Variants in BOC observed in about 807,000 individuals in gnomAD.
BOC encodes brother of CDO.
A neutral mutation model predicts 112.0 loss-of-function variants in BOC; 76 were observed. That is an observed-to-expected ratio of 0.68 (90% CI 0.56 to 0.82). The LOEUF (loss-of-function observed/expected upper bound fraction) is 0.82, where lower values mean the gene tolerates loss of function less well. BOC is among the 40% of genes least tolerant of loss of function. The pLI is 0.00. For synonymous variants in BOC, 580 were observed against 599.8 expected (o/e 0.97, Z 0.48); for missense variants, 1,309 against 1,511.7 (o/e 0.87, Z 2.22).
chr3:113,286,272 T>G (rs1285490894), intron 19 of BOC, among the ~76,000 whole-genome samples: 2 of 152,150 alleles, frequency 1.3e-5, no homozygotes, highest in Non-Finnish European at 2.9e-5. Context: ...CCAGCATCAT[T>G]TAAACTGGAC....
Position 113,213,552 on chromosome 3 carries a change from G to C in BOC, c.-170+1536G>C, listed in dbSNP as rs545659697. ...TAAACCACAGTCTTGGGCTGCTTGT[G>C]GGGGCTAGGATGCCCATACATCTGG... is the stretch of plus-strand genomic sequence containing the variant. On this transcript the variant is annotated intron_variant, in intron 1 of 19. Transcript: ENST00000682979. Among the ~76,000 whole-genome samples, 22 of 152,266 alleles carry C rather than the reference G, an allele frequency of 1.4e-4. No individual in the cohort carries two copies. In the South Asian group the frequency reaches 4.4e-3, roughly 30 times the overall value.
At chr3:113,283,301 G>T (rs1397486528) in intron 15 of BOC, 110 bp from the exon 16 acceptor site, 1 of 1,107,988 alleles carries the variant, frequency 9.0e-7, no homozygotes, top group Non-Finnish European at 1.3e-6. Flanking sequence ...AATCTAGTGA[G>T]TCTGACCCCA....
chr3:113,284,829 A>C lies in BOC; in HGVS notation c.2937A>C (p.Gly979=). Reference sequence around the variant, plus strand: ...TGAGGCAGACCCATCTTGGCAATGGATATGACCCCCAAAGTCACCAGATCA... The same window carrying C: ...TGAGGCAGACCCATCTTGGCAATGGCTATGACCCCCAAAGTCACCAGATCA... ...SLLRQTHLGN[G]YDPQSHQITR... is the part of the protein sequence containing the mutation. Residue 979 remains glycine (G), a synonymous_variant, in exon 18 of 20, where the codon GGA becomes GGC. Transcript: ENST00000682979. 1 of 1,614,182 alleles carries C rather than the reference A, an allele frequency of 6.2e-7. No individual in the cohort carries two copies. Among genetic ancestry groups the C allele is most frequent in the South Asian group, 1.1e-5 (1 of 91,080 alleles).
At chr3:113,235,253 T>C (rs1446845256) in intron 2 of BOC, among the ~76,000 whole-genome samples, 1 of 152,164 alleles carries the variant, frequency 6.6e-6, no homozygotes, top group African/African-American at 2.4e-5. Flanking sequence ...GCCACTATAT[T>C]AGCGTTTTAG....
intron 2 of BOC, among the ~76,000 whole-genome samples, chr3:113,235,004 G>A (rs1943228558): frequency 6.6e-6 from 1 of 152,158 alleles, no homozygotes; most frequent in African/African-American, 2.4e-5. Context: ...GTTTATAATA[G>A]TAAGGTTTGT....
At chr3:113,270,571 T>A in intron 5 of BOC, 1 of 502,846 alleles carries the variant, frequency 2.0e-6, no homozygotes, top group Non-Finnish European at 3.5e-6. Flanking sequence ...GCCAGTCTGT[T>A]AGCTGGTTGG....
intron 1 of BOC, among the ~76,000 whole-genome samples, chr3:113,214,948 A>G (rs900075344): frequency 2.0e-5 from 3 of 152,206 alleles, no homozygotes; most frequent in Non-Finnish European, 4.4e-5. Flanking sequence ...AATTATCCAC[A>G]ATCCTATGGA....
chr3:113,223,272 AGTAGCC>A (rs2107635830), intron 2 of BOC, among the ~76,000 whole-genome samples: 1 of 152,350 alleles, frequency 6.6e-6, no homozygotes, highest in African/African-American at 2.4e-5. Context: ...GCTTTTAATT[AGTAGCC>A]CTTTTTAAAA....
Position 113,274,387 on chromosome 3 carries a change from G to C in BOC, c.1247G>C (p.Arg416Thr), listed in dbSNP as rs775595950. 3.9e-6 allele frequency: 6 copies of C among 1,547,716 alleles called. No individual in the cohort carries two copies. The South Asian group carries it at 7.3e-5, about 19-fold the overall frequency. Residue 416 changes from arginine (R) to threonine (T), a missense_variant, in exon 9 of 20, where the codon AGG becomes ACG. Arg to Thr is a moderately conservative substitution (Grantham distance 71, BLOSUM62 -1). Transcript: ENST00000682979. This position sits in a 1 kb window ranked among gnomAD's most constrained non-coding sequence, Gnocchi z 4.8. ...GTTGGTCCTCCAGGCATAACCCCAA[G>C]GCTATGGCAGGATGCTGAGCTGGCT... ...LRTSRPSITPRLWQDAELATG... is the reference protein window; with the variant it reads ...LRTSRPSITPTLWQDAELATG...
chr3:113,286,478 G>A (rs1042757455), intron 19 of BOC, among the ~76,000 whole-genome samples, 197 bp from the exon 20 acceptor site: 3 of 152,110 alleles, frequency 2.0e-5, no homozygotes, highest in Non-Finnish European at 4.4e-5. Flanking sequence ...TGGGAAATGG[G>A]TGGCAAGTGG....
chr3:113,239,556 G>T (rs1399156935), intron 2 of BOC, among the ~76,000 whole-genome samples: 6 of 152,220 alleles, frequency 3.9e-5, no homozygotes, highest in Non-Finnish European at 8.8e-5. Context: ...CTCCTTCCAT[G>T]TCACATACTG....
intron 2 of BOC, among the ~76,000 whole-genome samples, chr3:113,223,146 T>C (rs931866934): frequency 3.9e-5 from 6 of 152,222 alleles, no homozygotes; most frequent in Non-Finnish European, 8.8e-5. Flanking sequence ...ACACCAAAGG[T>C]GGACAGATGT....
intron 9 of BOC, among the ~76,000 whole-genome samples, chr3:113,277,359 G>A (rs1330427455): frequency 1.3e-5 from 2 of 152,178 alleles, no homozygotes; most frequent in African/African-American, 4.8e-5. Context: ...AGAGTTAGGG[G>A]ACTTGCTCTG....
Position 113,283,611 on chromosome 3 carries a change from T to G in BOC, c.2635T>G (p.Trp879Gly). ...IIVTFIPFCLWRAWSKQKHTT... is the reference protein window; with the variant it reads ...IIVTFIPFCLGRAWSKQKHTT... ...CGTCACCTTCATCCCCTTCTGCTTGTGGAGGGCCTGGTCTAAGCAAAGTGA... is the reference window on the plus strand; with the variant it reads ...CGTCACCTTCATCCCCTTCTGCTTGGGGAGGGCCTGGTCTAAGCAAAGTGA... Residue 879 changes from tryptophan to glycine, a missense_variant, in exon 16 of 20, where the codon TGG (tryptophan) becomes GGG (glycine). By Grantham distance (184) the Trp-to-Gly change is radical. Coordinates refer to ENST00000682979, the MANE Select transcript of BOC (RefSeq NM_001378074.1). 6.2e-7 allele frequency: 1 copy of G among 1,613,596 alleles called. No individual in the cohort carries two copies. The highest frequency in any genetic ancestry group is 8.5e-7 in the Non-Finnish European group (1 of 1,179,884).
At chr3:113,227,161 C>A (rs1179107456) in intron 2 of BOC, among the ~76,000 whole-genome samples, 4 of 152,118 alleles carry the variant, frequency 2.6e-5, no homozygotes, top group Admixed American at 2.6e-4. Flanking sequence ...CCACAAGAAC[C>A]CATATTCTTG....
chr3:113,259,679 T>C (rs1413257627), intron 4 of BOC, among the ~76,000 whole-genome samples: 1 of 152,178 alleles, frequency 6.6e-6, no homozygotes, highest in African/African-American at 2.4e-5. Context: ...GAGTCTGTCC[T>C]GCAAATAGAC....
chr3:113,236,334 A>AT (rs1316955112), intron 2 of BOC, among the ~76,000 whole-genome samples: 2 of 133,874 alleles, frequency 1.5e-5, no homozygotes, highest in Non-Finnish European at 3.2e-5. Flanking sequence ...CTGCTCAGTC[A>AT]TAAAAAAGAA....
At chr3:113,265,257 T>C (rs902251878) in intron 4 of BOC, among the ~76,000 whole-genome samples, 1 of 152,208 alleles carries the variant, frequency 6.6e-6, no homozygotes. Flanking sequence ...GCCAAACTCC[T>C]TTCAGTTCCT....
intron 6 of BOC, chr3:113,271,289 T>C: frequency 2.0e-6 from 1 of 492,476 alleles, no homozygotes; most frequent in Non-Finnish European, 4.0e-6. Context: ...GGACACAGCA[T>C]GTGCCTAGAA....
Sources: allele counts gnomAD v4.1 joint callset (sites outside exome capture counted in the v4.1 genomes callset), GRCh38; gene constraint gnomAD v4.1.1; non-coding constraint Gnocchi (gnomAD v3.1); transcripts MANE v1.5; gene names NCBI Gene and HGNC (gene_info 2026-07-23, HGNC 2026-07-21).